The following APBB2 variants were observed in gnomAD, a reference collection of about 807,000 sequenced individuals.
The protein encoded by APBB2 is Fe65-like 1.
A neutral mutation model predicts 82.5 loss-of-function variants in APBB2; 38 were observed. The observed-to-expected ratio is 0.46, with a 90% CI of 0.36 to 0.60. The LOEUF (loss-of-function observed/expected upper bound fraction) is 0.60, where lower values mean the gene tolerates loss of function less well. Among genes scored for constraint, APBB2 ranks in the 20% least tolerant of loss-of-function variants. The pLI is 0.00. For missense variants in APBB2, 772 were observed against 972.3 expected, an observed-to-expected ratio of 0.79 and a Z score of 2.74; for synonymous variants, 341 against 368.2, an observed-to-expected ratio of 0.93 and a Z score of 0.85.
chr4:40,843,922 T>C (rs1756725966), intron 12 of APBB2, among the ~76,000 whole-genome samples: 1 of 152,146 alleles, frequency 6.6e-6, no homozygotes, highest in Non-Finnish European at 1.5e-5. Context: ...GATGCACCCA[T>C]GATGGGTACT....
At chr4:41,002,004 C>A (rs1805385588) in intron 6 of APBB2, among the ~76,000 whole-genome samples, 1 of 152,158 alleles carries the variant, frequency 6.6e-6, no homozygotes. Flanking sequence ...GACCATTCCA[C>A]ATGGAATGCT....
intron 1 of APBB2, among the ~76,000 whole-genome samples, chr4:41,197,829 T>C: frequency 6.6e-6 from 1 of 152,210 alleles, no homozygotes; most frequent in African/African-American, 2.4e-5. Flanking sequence ...TCTCCCCCAT[T>C]TGACTATGAG....
chr4:40,982,277 A>G (rs201172232), intron 6 of APBB2, among the ~76,000 whole-genome samples: 1,054 of 25,448 alleles, frequency 0.041, 101 homozygotes, highest in Admixed American at 0.047. Flanking sequence ...AAAGAAAGAA[A>G]GAAAGAAGGA....
At position 41,061,917 on chromosome 4, in the gene APBB2, C is replaced by T. The variant is rs190127386; in HGVS notation, c.-51+3659G>A. Among the ~76,000 whole-genome samples the T allele has an allele frequency of 6.7e-3, 1,022 of 152,314 alleles. 15 individuals are homozygous for T. The highest frequency in any genetic ancestry group is 0.022 in the African/African-American group (903 of 41,556). On this transcript the variant is annotated intron_variant, in intron 4 of 17. Transcript: ENST00000508593. ...ACTGCTGACCCTTGACTGATGATTC[C>T]GACCACACCTGATGATAAAATTATT...
chr4:40,859,324 C>CA (rs1762202018), intron 12 of APBB2, among the ~76,000 whole-genome samples: 1 of 150,226 alleles, frequency 6.7e-6, no homozygotes, highest in Admixed American at 6.6e-5. Context: ...CTCACTAGTG[C>CA]AGTGGCCGCT....
intron 10 of APBB2, among the ~76,000 whole-genome samples, chr4:40,921,164 A>G (rs947015370): frequency 6.6e-6 from 1 of 152,244 alleles, no homozygotes; most frequent in Non-Finnish European, 1.5e-5. Flanking sequence ...GAACTTGTCC[A>G]TAATGGCCTC....
intron 10 of APBB2, among the ~76,000 whole-genome samples, chr4:40,899,050 G>A (rs1411557999): frequency 6.6e-6 from 1 of 152,110 alleles, no homozygotes; most frequent in East Asian, 1.9e-4. Context: ...TAAGTTATGT[G>A]GTTCCTCAGA....
Position 40,934,952 on chromosome 4 carries a change from A to G in APBB2, c.1107+125T>C, listed in dbSNP as rs1785047492. 5.0e-5 allele frequency: 42 copies of G among 844,140 alleles called. 1 individual carries two copies. The South Asian group carries it at 6.8e-4, about 14-fold the overall frequency. The allele number at this position is 844,140 out of a possible 1,614,324, so 52.3% of individuals were successfully genotyped here. A position where few individuals can be genotyped will look rare whatever the true frequency, so the allele number is the denominator to read the frequency against. On this transcript the variant is annotated intron_variant, in intron 8 of 17. Transcript: ENST00000508593. Reference sequence around the variant, plus strand: ...ACAGGAGTGTGAGCTGAATGCCCCTAGCAAGAAGCCCGATCACTGTGTCCC... The same window carrying G: ...ACAGGAGTGTGAGCTGAATGCCCCTGGCAAGAAGCCCGATCACTGTGTCCC...
At chr4:41,200,103 T>TAC (rs1447672007) in intron 1 of APBB2, among the ~76,000 whole-genome samples, 1 of 152,204 alleles carries the variant, frequency 6.6e-6, no homozygotes, top group Non-Finnish European at 1.5e-5. Flanking sequence ...ATGAATATAT[T>TAC]ACGCTAGCAT....
At chr4:40,980,201 T>C (rs1578931915) in intron 6 of APBB2, among the ~76,000 whole-genome samples, 1 of 152,252 alleles carries the variant, frequency 6.6e-6, no homozygotes, top group East Asian at 1.9e-4. Context: ...TTTCTGGATT[T>C]TTAGTACAGA....
At chr4:41,004,337 G>A (rs2154422495) in intron 6 of APBB2, among the ~76,000 whole-genome samples, 1 of 152,270 alleles carries the variant, frequency 6.6e-6, no homozygotes, top group South Asian at 2.1e-4. Flanking sequence ...CCAAGGTTTG[G>A]AGTGGGCTTT....
rs533755520 is a variant in APBB2 at position 40,857,227 on chromosome 4, G to A, written c.1530-26650C>T. 6 of 967,626 alleles carry A rather than the reference G, an allele frequency of 6.2e-6. No individual in the cohort carries two copies. The Admixed American group carries it at 1.8e-4, about 30-fold the overall frequency. The allele number at this position is 967,626 out of a possible 1,614,324, so 59.9% of individuals were successfully genotyped here. On this transcript the variant is annotated intron_variant, in intron 12 of 17. Coordinates refer to ENST00000508593, the MANE Select transcript of APBB2 (RefSeq NM_004307.2). ...GCCGCGGCCGCCCATTGGCTGCTGGGGAGGCGCGTGGCCCCGCCCCACCCG... is the reference window on the plus strand; with the variant it reads ...GCCGCGGCCGCCCATTGGCTGCTGGAGAGGCGCGTGGCCCCGCCCCACCCG...
intron 12 of APBB2, chr4:40,880,567 T>G (rs1768186959): frequency 1.7e-5 from 17 of 985,474 alleles, no homozygotes; most frequent in Non-Finnish European, 2.0e-5. Flanking sequence ...CATGGGTTGT[T>G]AGGCTATTTC....
In APBB2 at chr4:41,133,524, A is replaced by T. The variant is rs149869210; in HGVS notation, c.-261+9463T>A. Reference sequence around the variant, plus strand: ...ACCAGAAATGTCTCTAAAAAGCTGGAGGTTGGCAATCACAGCTTTGGAAAG... The same window carrying T: ...ACCAGAAATGTCTCTAAAAAGCTGGTGGTTGGCAATCACAGCTTTGGAAAG... On this transcript the variant is annotated intron_variant, in intron 2 of 17. Coordinates refer to ENST00000508593, the MANE Select transcript of APBB2 (RefSeq NM_004307.2). 1.2e-3 allele frequency among the ~76,000 whole-genome samples: 180 copies of T among 152,320 alleles called. 1 individual carries two copies. The highest frequency in any genetic ancestry group is 4.1e-3 in the African/African-American group (172 of 41,566).
intron 1 of APBB2, among the ~76,000 whole-genome samples, chr4:41,162,550 C>T (rs1765448628): frequency 6.6e-6 from 1 of 152,142 alleles, no homozygotes; most frequent in African/African-American, 2.4e-5. Flanking sequence ...ACATGCTCAT[C>T]ATAAAATAAT....
chr4:40,854,045 T>C (rs1311941382), intron 12 of APBB2, among the ~76,000 whole-genome samples: 1 of 152,218 alleles, frequency 6.6e-6, no homozygotes, highest in Non-Finnish European at 1.5e-5. Context: ...GGATGCTCCT[T>C]ATCTGCCGAA....
chr4:40,983,928 G>A (rs1799758839), intron 6 of APBB2, among the ~76,000 whole-genome samples: 1 of 152,090 alleles, frequency 6.6e-6, no homozygotes, highest in Non-Finnish European at 1.5e-5. Context: ...TTCTTGTAAG[G>A]GAAAAAAATT....
intron 12 of APBB2, among the ~76,000 whole-genome samples, chr4:40,840,661 C>T (rs1249016557): frequency 1.3e-5 from 2 of 152,252 alleles, no homozygotes; most frequent in South Asian, 4.1e-4. Context: ...AGGTACTCGT[C>T]ACCTGGGTAA....
At chr4:40,922,009 G>C (rs1781384698) in intron 10 of APBB2, among the ~76,000 whole-genome samples, 1 of 152,188 alleles carries the variant, frequency 6.6e-6, no homozygotes, top group Non-Finnish European at 1.5e-5. Context: ...CAACAGAGGG[G>C]GAACTAAGCA....
Sources: allele counts gnomAD v4.1 joint callset (sites outside exome capture counted in the v4.1 genomes callset), GRCh38; gene constraint gnomAD v4.1.1; transcripts MANE v1.5; gene names NCBI Gene and HGNC (gene_info 2026-07-23, HGNC 2026-07-21).